Variants in CFH observed in about 807,000 individuals in gnomAD.
CFH encodes the protein H factor 1 (complement).
A neutral mutation model predicts 147.3 loss-of-function variants in CFH; 53 were observed. The ratio of observed to expected loss-of-function variants is 0.36; its 90% confidence interval spans 0.29 to 0.45. The LOEUF (loss-of-function observed/expected upper bound fraction) is 0.45, where lower values mean the gene tolerates loss of function less well. Among genes scored for constraint, CFH ranks in the 20% least tolerant of loss-of-function variants. The probability of loss-of-function intolerance (pLI) is 1.00; values close to 1 mark genes in which losing one functional copy is unlikely to be tolerated. For synonymous variants in CFH, 536 were observed against 489.4 expected (o/e 1.10, Z -1.26); for missense variants, 1,380 against 1,498.0 (o/e 0.92, Z 1.30).
Position 196,675,928 on chromosome 1 carries a change from G to A in CFH, c.351-61G>A, listed in dbSNP as rs550967449. 1.7e-5 allele frequency: 18 copies of A among 1,036,018 alleles called. No individual in the cohort carries two copies. In the East Asian group the frequency reaches 2.4e-4, roughly 14 times the overall value. 64.2% of individuals were successfully genotyped at this position (1,036,018 alleles called of 1,614,324 possible). ...GTTTCTGGACACTCAGAATGGCATC[G>A]AGTTTAAAACTGCATGTAAACACAC... On this transcript the variant is annotated intron_variant, in intron 3 of 21. Transcript: ENST00000367429.
rs752579472 is a variant in CFH, at chr1:196,726,780, A to G, written c.2076A>G (p.Gly692=). 1.9e-6 allele frequency: 3 copies of G among 1,613,732 alleles called. No homozygotes were observed. The highest frequency in any genetic ancestry group is 2.5e-6 in the Non-Finnish European group (3 of 1,179,820). Reference sequence around the variant, plus strand: ...ACATAGTGGAGGAGAGTACCTGTGGAGATATACCTGAACTTGAACATGGCT... The same window carrying G: ...ACATAGTGGAGGAGAGTACCTGTGGGGATATACCTGAACTTGAACATGGCT... ...PVCIVEESTC[G]DIPELEHGWA... The change falls in exon 14 of 22, where the codon GGA becomes GGG. Residue 692 remains glycine (G), a synonymous_variant. Coordinates refer to ENST00000367429, the MANE Select transcript of CFH (RefSeq NM_000186.4).
chr1:196,658,501 T>A (rs1666792474), intron 1 of CFH, among the ~76,000 whole-genome samples: 1 of 145,392 alleles, frequency 6.9e-6, no homozygotes, highest in South Asian at 2.2e-4. Flanking sequence ...AAGCTCCGCC[T>A]CCCGGGTTCA....
chr1:196,664,868 A>T (rs986861941), intron 1 of CFH, among the ~76,000 whole-genome samples: 3 of 152,138 alleles, frequency 2.0e-5, no homozygotes, highest in Non-Finnish European at 2.9e-5. Flanking sequence ...CTTTTAAAAA[A>T]TTGAAATTAT....
At chr1:196,660,083 T>G (rs1048722044) in intron 1 of CFH, among the ~76,000 whole-genome samples, 1 of 152,024 alleles carries the variant, frequency 6.6e-6, no homozygotes, top group Non-Finnish European at 1.5e-5. Context: ...GTAGAGACAT[T>G]AGGTGGGCTT....
rs1064795727 is a variant in CFH at position 196,745,952 on chromosome 1, G to A, written c.3446G>A (p.Arg1149Gln). ...QNLYQLEGNK[R>Q]ITCRNGQWSE... is the part of the protein sequence containing the mutation. ...TTGTATCAACTTGAGGGTAACAAGCGAATAACATGTAGAAATGGACAATGG... is the reference window on the plus strand; with the variant it reads ...TTGTATCAACTTGAGGGTAACAAGCAAATAACATGTAGAAATGGACAATGG... Residue 1149 changes from arginine (R) to glutamine (Q), a missense_variant, in exon 21 of 22, where the codon CGA becomes CAA. This residue lies in a region of CFH where 123 missense variants were observed against 185.3 expected (regional missense o/e 0.66). Transcript: ENST00000367429. 21 of 1,614,104 alleles carry A rather than the reference G, an allele frequency of 1.3e-5. No individual in the cohort carries two copies. In the South Asian group the frequency reaches 2.0e-4, roughly 15 times the overall value.
intron 1 of CFH, among the ~76,000 whole-genome samples, chr1:196,658,074 A>C (rs1666765201): frequency 6.6e-6 from 1 of 152,070 alleles, no homozygotes; most frequent in Admixed American, 6.6e-5. Context: ...GAAAGTGAAA[A>C]AATTAGGTAA....
At chr1:196,662,057 G>A (rs916093678) in intron 1 of CFH, among the ~76,000 whole-genome samples, 1 of 152,104 alleles carries the variant, frequency 6.6e-6, no homozygotes, top group African/African-American at 2.4e-5. Context: ...CTTTTTCAGA[G>A]GAGCCTCAGC....
intron 9 of CFH, among the ~76,000 whole-genome samples, chr1:196,705,391 G>A (rs946616882): frequency 7.2e-5 from 11 of 152,136 alleles, no homozygotes; most frequent in African/African-American, 2.2e-4. Context: ...TTTAGGTATG[G>A]CTGAATGTTG....
In CFH at chr1:196,726,480, A is replaced by G. The variant is rs754410191; in HGVS notation, c.1884A>G (p.Gln628=). ...GTATTTCTACTATAGAGCAAGTACA[A>G]TCATGTGGTCCACCTCCTGAACTCC... The part of the protein sequence containing the change: ...PDLPICKEQV[Q]SCGPPPELLN... The change falls in exon 13 of 22, where the codon CAA becomes CAG. Residue 628 remains glutamine, a synonymous_variant. Transcript: ENST00000367429. 1.9e-6 allele frequency: 3 copies of G among 1,610,170 alleles called. No homozygotes were observed. Among genetic ancestry groups the G allele is most frequent in the African/African-American group, 1.3e-5 (1 of 74,828 alleles).
At chr1:196,671,929 C>T (rs1667296363) in intron 1 of CFH, among the ~76,000 whole-genome samples, 1 of 150,638 alleles carries the variant, frequency 6.6e-6, no homozygotes, top group African/African-American at 2.4e-5. Flanking sequence ...ATGTATACAG[C>T]TTTTCTGCTG....
chr1:196,657,230 C>A (rs998261884), intron 1 of CFH, among the ~76,000 whole-genome samples: 32 of 151,962 alleles, frequency 2.1e-4, no homozygotes, highest in Admixed American at 1.9e-3. Context: ...TTAAACAATT[C>A]TTTACTCTGT....
At chr1:196,678,579 A>G (rs1027929635) in intron 5 of CFH, 1 of 152,084 alleles carries the variant, frequency 6.6e-6, no homozygotes, top group African/African-American at 2.4e-5. Flanking sequence ...TAATATTTTT[A>G]TTCAGCATAG....
At position 196,673,842 on chromosome 1, in the gene CFH, T is replaced by C. The variant is rs200079172; in HGVS notation, c.245-15T>C. 1.1e-4 allele frequency: 176 copies of C among 1,551,772 alleles called. 1 individual carries two copies. The African/African-American group carries it at 1.9e-3, about 16-fold the overall frequency. On this transcript the variant is annotated splice_polypyrimidine_tract_variant and intron_variant, in intron 2 of 21. Transcript: ENST00000367429. ...GCTATTACATACTAATTCATAACTT[T>C]TTTTTTCGTTTTAGAAAGGCCCTGT...
At chr1:196,733,689 A>G (rs910441035) in intron 15 of CFH, among the ~76,000 whole-genome samples, 6 of 152,082 alleles carry the variant, frequency 3.9e-5, no homozygotes, top group African/African-American at 1.2e-4. Context: ...GCTTTAGAAT[A>G]CAGTCCCTGA....
At chr1:196,741,182 A>C (rs1040121475) in intron 18 of CFH, 1 of 259,848 alleles carries the variant, frequency 3.8e-6, no homozygotes, top group Admixed American at 5.0e-5. Context: ...TGATAGAAGC[A>C]AAAAATTTGG....
chr1:196,676,494 T>G (rs1298182205), intron 4 of CFH, among the ~76,000 whole-genome samples: 1 of 152,096 alleles, frequency 6.6e-6, no homozygotes, highest in Non-Finnish European at 1.5e-5. Context: ...GGAGGTTGCC[T>G]GTGGACTTAC....
intron 9 of CFH, among the ~76,000 whole-genome samples, chr1:196,692,753 T>TCC (rs1558163581): frequency 2.8e-3 from 28 of 10,022 alleles, no homozygotes; most frequent in African/African-American, 9.3e-3. Context: ...TCTTTTTCTT[T>TCC]CTTTCTTTCT....
Position 196,740,753 on chromosome 1 carries a change from T to A in CFH, c.2917T>A (p.Cys973Ser). The change falls in exon 18 of 22, where the codon TGC (cysteine) becomes AGC (serine). Residue 973 changes from cysteine (C) to serine (S), a missense_variant. Around this residue, in one of 4 missense-constraint regions of CFH, gnomAD observed 830 missense variants for 821.4 expected, o/e 1.01. Transcript: ENST00000367429. ...FGIDGPAIAK[C>S]LGEKWSHPPS... ...AATTGATGGGCCTGCAATTGCAAAATGCTTAGGAGAAAAATGGTCTCACCC... is the reference window on the plus strand; with the variant it reads ...AATTGATGGGCCTGCAATTGCAAAAAGCTTAGGAGAAAAATGGTCTCACCC... 1 of 1,614,014 alleles carries A rather than the reference T, an allele frequency of 6.2e-7. No homozygotes were observed.
At chr1:196,724,320 C>T (rs920130105) in intron 11 of CFH, among the ~76,000 whole-genome samples, 2 of 151,916 alleles carry the variant, frequency 1.3e-5, no homozygotes, top group Admixed American at 6.6e-5. Context: ...ACAGTCCCCA[C>T]ATGAGTGCAC....
Sources: gnomAD v4.1 joint callset for allele counts (sites outside exome capture counted in the v4.1 genomes callset) on GRCh38, gnomAD v4.1.1 for gene constraint, gnomAD v4.1.1 regional missense constraint, MANE v1.5 for transcripts, NCBI Gene and HGNC (gene_info 2026-07-23, HGNC 2026-07-21) for gene names.